Variants in ESYT1 observed in about 807,000 individuals in gnomAD.
ESYT1 encodes extended synaptotagmin-1.
A neutral mutation model predicts 154.2 loss-of-function variants in ESYT1; 116 were observed. The ratio of observed to expected loss-of-function variants is 0.75; its 90% confidence interval spans 0.65 to 0.88. The LOEUF (loss-of-function observed/expected upper bound fraction) is 0.88, where lower values mean the gene tolerates loss of function less well. ESYT1 is among the 40% of genes least tolerant of loss of function. The pLI, the probability that ESYT1 is intolerant of heterozygous loss-of-function variation, is 0.00. For synonymous variants in ESYT1, 500 were observed against 539.9 expected (o/e 0.93, Z 1.02); for missense variants, 1,264 against 1,379.3 (o/e 0.92, Z 1.32).
intron 1 of ESYT1, among the ~76,000 whole-genome samples, chr12:56,129,931 C>CT (rs1242269131): frequency 6.9e-6 from 1 of 145,548 alleles, no homozygotes; most frequent in Non-Finnish European, 1.5e-5. Flanking sequence ...TTTTTTTTTT[C>CT]TTTTTTGAGA....
Position 56,143,107 on chromosome 12 carries a change from C to A in ESYT1, c.3078C>A (p.Thr1026=). ...PDKNRGTKRR[T]SQKKRTLSPE... is the part of the protein sequence containing the mutation. ...AGAACCGAGGCACCAAGAGGAGGAC[C>A]TCACAGAAGAAGAGGACCCTGAGTC... is the stretch of plus-strand genomic sequence containing the variant. Residue 1026 remains threonine, a synonymous_variant, in exon 28 of 31, where the codon ACC becomes ACA. Transcript: ENST00000394048. 1 of 1,614,148 alleles carries A rather than the reference C, an allele frequency of 6.2e-7. No homozygotes were observed. Among genetic ancestry groups the A allele is most frequent in the Non-Finnish European group, 8.5e-7 (1 of 1,180,032 alleles).
At chr12:56,136,201 C>CA (rs1462435950) in intron 15 of ESYT1, among the ~76,000 whole-genome samples, 2 of 151,386 alleles carry the variant, frequency 1.3e-5, no homozygotes, top group East Asian at 3.9e-4. Context: ...TTTTGTGAAG[C>CA]AAAAAATTGG....
rs1870530460 is a variant in ESYT1 at position 56,137,923 on chromosome 12, A to G, written c.2198+9A>G. On this transcript the variant is annotated intron_variant, in intron 19 of 30. Transcript: ENST00000394048. ...GATGATTTTCTGGGCAGGTGAGAGCATAGGAGTCTACGTGAAAAACAGGCT... is the reference window on the plus strand; with the variant it reads ...GATGATTTTCTGGGCAGGTGAGAGCGTAGGAGTCTACGTGAAAAACAGGCT... 4 of 1,614,078 alleles carry G rather than the reference A, an allele frequency of 2.5e-6. No homozygotes were observed. The highest frequency in any genetic ancestry group is 1.3e-5 in the African/African-American group (1 of 74,946).
At position 56,142,747 on chromosome 12, in the gene ESYT1, C is replaced by T. The variant is rs368990161; in HGVS notation, c.2888+15C>T. 33 of 1,613,462 alleles carry T rather than the reference C, an allele frequency of 2.0e-5. No homozygotes were observed. In the African/African-American group the frequency reaches 3.3e-4, roughly 16 times the overall value. The stretch of plus-strand genomic sequence containing the variant: ...CATGTTGACAGGTAAAGGGCTGGGA[C>T]AGGAAGGTGGGACGCAGTCAGAAAT... On this transcript the variant is annotated intron_variant, in intron 26 of 30. Coordinates refer to ENST00000394048, the MANE Select transcript of ESYT1 (RefSeq NM_015292.3). This position sits in a 1 kb window ranked among gnomAD's most constrained non-coding sequence, Gnocchi z 4.1.
chr12:56,139,574 C>A (rs1171793006), intron 24 of ESYT1, among the ~76,000 whole-genome samples: 1 of 127,392 alleles, frequency 7.8e-6, no homozygotes, highest in Non-Finnish European at 1.8e-5. Flanking sequence ...CCTTAGATGA[C>A]CCCTGAGCTT....
intron 16 of ESYT1, 74 bp downstream of exon 16, chr12:56,136,967 G>A: frequency 1.3e-6 from 2 of 1,500,388 alleles, no homozygotes; most frequent in Non-Finnish European, 1.8e-6. Context: ...GTAAGGAAAG[G>A]GACCCCCCTA....
At chr12:56,143,419 C>G in intron 29 of ESYT1, 86 bp downstream of exon 29, 1 of 1,502,612 alleles carries the variant, frequency 6.7e-7, no homozygotes, top group South Asian at 1.1e-5. Flanking sequence ...GGAAGTACCC[C>G]ACGTGATCCT....
chr12:56,132,537 G>A lies in ESYT1; in HGVS notation c.1101G>A (p.Gln367=). ...DPYALVRLGT[Q]TFCSRVIDEE... ...ATGCACTTGTGCGTTTGGGTACCCA[G>A]ACATTCTGCAGTCGTGTCATTGATG... Residue 367 remains glutamine (Q), a synonymous_variant, in exon 9 of 31, where the codon CAG becomes CAA. Coordinates refer to ENST00000394048, the MANE Select transcript of ESYT1 (RefSeq NM_015292.3). 6.2e-7 allele frequency: 1 copy of A among 1,614,218 alleles called. No homozygotes were observed.
chr12:56,139,299 A>T (rs1870594256), intron 24 of ESYT1, among the ~76,000 whole-genome samples: 1 of 151,732 alleles, frequency 6.6e-6, no homozygotes, highest in African/African-American at 2.4e-5. Flanking sequence ...TTTAGTAGAG[A>T]TGGAGTTTCA....
At chr12:56,137,442 A>G (rs1306328137) in intron 17 of ESYT1, 57 bp from the exon 18 acceptor site, 1 of 1,609,856 alleles carries the variant, frequency 6.2e-7, no homozygotes, top group African/African-American at 1.3e-5. Flanking sequence ...GTTTCAGGGC[A>G]GATTCTGACA....
chr12:56,128,273 C>T lies in ESYT1; in HGVS notation c.-47C>T, dbSNP rs377410114. ...GGGAGCTGATCGCAAGACTAGGCAA[C>T]CTCCAGCCAGTCCCTGGGTCGGGCG... On this transcript the variant is annotated 5_prime_UTR_variant, in exon 1 of 31. Coordinates refer to ENST00000394048, the MANE Select transcript of ESYT1 (RefSeq NM_015292.3). 5.3e-5 allele frequency: 83 copies of T among 1,561,720 alleles called. No individual in the cohort carries two copies. The African/African-American group carries it at 8.8e-4, about 17-fold the overall frequency.
intron 7 of ESYT1, 80 bp downstream of exon 7, chr12:56,131,884 G>A (rs1870249679): frequency 7.1e-7 from 1 of 1,410,698 alleles, no homozygotes; most frequent in Non-Finnish European, 1.0e-6. Context: ...AGTCAAAGAT[G>A]CTGCTTGTGT....
At chr12:56,141,429 A>G (rs774854674) in intron 24 of ESYT1, among the ~76,000 whole-genome samples, 3 of 152,232 alleles carry the variant, frequency 2.0e-5, no homozygotes, top group Non-Finnish European at 4.4e-5. Flanking sequence ...TGTATGCTGT[A>G]GGTATTACTG....
At position 56,131,047 on chromosome 12, in the gene ESYT1, G is replaced by A. The variant is rs576236959; in HGVS notation, c.575G>A (p.Arg192His). Residue 192 changes from arginine to histidine, a missense_variant, in exon 4 of 31, where the codon CGC (arginine) becomes CAC (histidine). By Grantham distance (29) the Arg-to-His change is conservative. Transcript: ENST00000394048. ...GAATTTCTCTCTCCCTAGCCATTGCGCATCATTGGAGTCAAGGTTCACCCA... is the reference window on the plus strand; with the variant it reads ...GAATTTCTCTCTCCCTAGCCATTGCACATCATTGGAGTCAAGGTTCACCCA... ...TRVELGEKPL[R>H]IIGVKVHPGQ... The A allele has an allele frequency of 1.1e-4, 181 of 1,614,006 alleles. No homozygotes were observed. Among genetic ancestry groups the A allele is most frequent in the Middle Eastern group, 3.3e-4 (2 of 6,084 alleles).
chr12:56,139,899 A>T (rs1204610724), intron 24 of ESYT1, among the ~76,000 whole-genome samples: 10 of 146,140 alleles, frequency 6.8e-5, no homozygotes, highest in Non-Finnish European at 1.2e-4. Flanking sequence ...TTTTTTTTTT[A>T]GACAGGGTCT....
At position 56,141,550 on chromosome 12, in the gene ESYT1, C is replaced by T. The variant is rs187866280; in HGVS notation, c.2593-735C>T. Among the ~76,000 whole-genome samples the T allele has an allele frequency of 2.0e-5, 3 of 152,218 alleles. No homozygotes were observed. The East Asian group carries it at 5.8e-4, about 30-fold the overall frequency. On this transcript the variant is annotated intron_variant, in intron 24 of 30. Coordinates refer to ENST00000394048, the MANE Select transcript of ESYT1 (RefSeq NM_015292.3). ...GGTCAGGAGATCGAGACCATCCTGG[C>T]TAACACGGTGAAACCCTGTCTCTAT...
In ESYT1 at chr12:56,134,101, C is replaced by A. The variant is rs1221996079; in HGVS notation, c.1474-9C>A. The A allele has an allele frequency of 6.2e-7, 1 of 1,613,936 alleles. No individual in the cohort carries two copies. The highest frequency in any genetic ancestry group is 1.7e-5 in the Admixed American group (1 of 59,970). ...CAAGATGGTGACCTCTGAATTGTACCCACCACAGCTGAAGAAGGGGAACAA... is the reference window on the plus strand; with the variant it reads ...CAAGATGGTGACCTCTGAATTGTACACACCACAGCTGAAGAAGGGGAACAA... On this transcript the variant is annotated splice_polypyrimidine_tract_variant and intron_variant, in intron 13 of 30. Coordinates refer to ENST00000394048, the MANE Select transcript of ESYT1 (RefSeq NM_015292.3).
chr12:56,132,498 C>G lies in ESYT1; in HGVS notation c.1062C>G (p.Gly354=). The G allele has an allele frequency of 6.2e-7, 1 of 1,614,192 alleles. No individual in the cohort carries two copies. The highest frequency in any genetic ancestry group is 8.5e-7 in the Non-Finnish European group (1 of 1,180,040). Residue 354 remains glycine (G), a synonymous_variant, in exon 9 of 31, where the codon GGC becomes GGG. Transcript: ENST00000394048. ...KDKYVKGLIE[G]KSDPYALVRL... ...AATATGTGAAGGGCCTGATTGAGGG[C>G]AAGTCAGACCCATATGCACTTGTGC...
Position 56,132,751 on chromosome 12 carries a change from T to G in ESYT1, c.1194T>G (p.Ile398Met), listed in dbSNP as rs1870292318. Reference protein sequence around the residue: ...VMVHEVPGQEIEVEVFDKDPD... With the variant: ...VMVHEVPGQEMEVEVFDKDPD... ...TACACGAGGTCCCAGGGCAGGAGAT[T>G]GAAGTGGAGGTGTTCGACAAGGATC... The change falls in exon 10 of 31, where the codon ATT becomes ATG. Residue 398 changes from isoleucine (I) to methionine (M), a missense_variant. Physicochemically the swap from Ile to Met is conservative, Grantham distance 10. Coordinates refer to ENST00000394048, the MANE Select transcript of ESYT1 (RefSeq NM_015292.3). The G allele has an allele frequency of 6.2e-7, 1 of 1,614,092 alleles. No homozygotes were observed. The highest frequency in any genetic ancestry group is 8.5e-7 in the Non-Finnish European group (1 of 1,180,006).
Sources: allele counts gnomAD v4.1 joint callset (sites outside exome capture counted in the v4.1 genomes callset), GRCh38; gene constraint gnomAD v4.1.1; non-coding constraint Gnocchi (gnomAD v3.1); transcripts MANE v1.5; gene names NCBI Gene and HGNC (gene_info 2026-07-23, HGNC 2026-07-21).